CNTNAP2: variants seen among roughly 807,000 people sequenced by gnomAD.
CNTNAP2 encodes contactin-associated protein-like 2.
A neutral mutation model predicts 155.2 loss-of-function variants in CNTNAP2; 98 were observed. The observed-to-expected ratio is 0.63, with a 90% CI of 0.54 to 0.75. The LOEUF (loss-of-function observed/expected upper bound fraction) is 0.75, where lower values mean the gene tolerates loss of function less well. Ranked by LOEUF, CNTNAP2 falls within the 30% of genes least tolerant of loss-of-function variation. The probability of loss-of-function intolerance (pLI) is 0.00; values close to 1 mark genes in which losing one functional copy is unlikely to be tolerated. For synonymous variants in CNTNAP2, 651 were observed against 631.2 expected (o/e 1.03, Z -0.47); for missense variants, 1,727 against 1,688.1 (o/e 1.02, Z -0.40).
At chr7:146,549,002 G>A (rs1257602769) in intron 1 of CNTNAP2, among the ~76,000 whole-genome samples, 1 of 150,700 alleles carries the variant, frequency 6.6e-6, no homozygotes, top group Non-Finnish European at 1.5e-5. Context: ...TCTTAATTTG[G>A]GACTTTAATT....
At chr7:148,318,365 G>T (rs1238883898) in intron 21 of CNTNAP2, among the ~76,000 whole-genome samples, 1 of 152,094 alleles carries the variant, frequency 6.6e-6, no homozygotes, top group Non-Finnish European at 1.5e-5. Flanking sequence ...GCATATGATG[G>T]GTGTTAATGA....
intron 2 of CNTNAP2, among the ~76,000 whole-genome samples, chr7:146,809,688 T>C (rs1305228281): frequency 6.6e-6 from 1 of 152,186 alleles, no homozygotes; most frequent in African/African-American, 2.4e-5. Context: ...GTAAGTCTTC[T>C]TTGAAAATGT....
intron 1 of CNTNAP2, among the ~76,000 whole-genome samples, chr7:146,299,200 G>A (rs1434794359): frequency 6.6e-6 from 1 of 152,208 alleles, no homozygotes; most frequent in African/African-American, 2.4e-5. Context: ...GAACCCAGGA[G>A]GTGGAGGTTG....
chr7:148,368,989 C>T (rs890913494), intron 21 of CNTNAP2, among the ~76,000 whole-genome samples: 40 of 152,006 alleles, frequency 2.6e-4, no homozygotes, highest in Admixed American at 2.1e-3. Flanking sequence ...CCTTTAGTTT[C>T]GCTTCTCTTT....
At chr7:146,147,473 G>A (rs879421989) in intron 1 of CNTNAP2, among the ~76,000 whole-genome samples, 5 of 152,128 alleles carry the variant, frequency 3.3e-5, no homozygotes, top group Non-Finnish European at 7.4e-5. Context: ...AGAATGTGAA[G>A]GACACTCATA....
At position 147,662,369 on chromosome 7, in the gene CNTNAP2, C is replaced by T. The variant is rs1795626178; in HGVS notation, c.2098+23063C>T. ...CTACATCTGCTACCAAATCAAGGAG[C>T]TGATTAACAGTGCATTGCAGCTCTT... On this transcript the variant is annotated intron_variant, in intron 13 of 23. Coordinates refer to ENST00000361727, the MANE Select transcript of CNTNAP2 (RefSeq NM_014141.6). Among the ~76,000 whole-genome samples the T allele has an allele frequency of 2.0e-5, 3 of 152,162 alleles. No homozygotes were observed. In the South Asian group the frequency reaches 6.2e-4, roughly 31 times the overall value.
intron 1 of CNTNAP2, among the ~76,000 whole-genome samples, chr7:146,535,433 T>TATATGATATAATATATG: frequency 2.6e-5 from 3 of 115,566 alleles, no homozygotes; most frequent in Admixed American, 1.0e-4. Flanking sequence ...ATATATATTA[T>TATATGATATAATATATG]ATACATGGTC....
chr7:147,636,956 A>C (rs1563032914), intron 12 of CNTNAP2, among the ~76,000 whole-genome samples: 1 of 152,170 alleles, frequency 6.6e-6, no homozygotes, highest in Admixed American at 6.5e-5. Context: ...GGAAAGACAA[A>C]GGAAGCAGCA....
At chr7:147,357,200 A>G (rs796556105) in intron 9 of CNTNAP2, among the ~76,000 whole-genome samples, 3 of 152,230 alleles carry the variant, frequency 2.0e-5, no homozygotes, top group African/African-American at 7.2e-5. Flanking sequence ...GAGAGCTGAT[A>G]AGTGAACTTG....
intron 20 of CNTNAP2, among the ~76,000 whole-genome samples, chr7:148,236,657 A>G (rs911768223): frequency 1.3e-5 from 2 of 152,230 alleles, no homozygotes; most frequent in African/African-American, 2.4e-5. Context: ...TTGCACTGCT[A>G]TAAAGAAATA....
At chr7:146,568,722 C>A (rs1439929404) in intron 1 of CNTNAP2, among the ~76,000 whole-genome samples, 1 of 152,076 alleles carries the variant, frequency 6.6e-6, no homozygotes, top group Non-Finnish European at 1.5e-5. Flanking sequence ...CAACTTTTAA[C>A]CAGTGTACTA....
chr7:146,277,937 TAAAAAG>T (rs944015426), intron 1 of CNTNAP2, among the ~76,000 whole-genome samples: 2 of 151,842 alleles, frequency 1.3e-5, no homozygotes, highest in Non-Finnish European at 2.9e-5. Context: ...AAAAAGAAAA[TAAAAAG>T]AAAACTGAAA....
At chr7:146,878,192 A>T (rs1179969822) in intron 3 of CNTNAP2, among the ~76,000 whole-genome samples, 1 of 152,004 alleles carries the variant, frequency 6.6e-6, no homozygotes, top group Non-Finnish European at 1.5e-5. Context: ...CACTCTCCAC[A>T]TTTTTTACCA....
At chr7:147,823,692 C>A (rs371757982) in intron 13 of CNTNAP2, among the ~76,000 whole-genome samples, 2 of 150,472 alleles carry the variant, frequency 1.3e-5, no homozygotes, top group East Asian at 3.9e-4. Context: ...CTGCAAAAAT[C>A]AATACCAATT....
At chr7:147,191,626 T>C (rs1398845687) in intron 8 of CNTNAP2, among the ~76,000 whole-genome samples, 1 of 152,146 alleles carries the variant, frequency 6.6e-6, no homozygotes, top group East Asian at 1.9e-4. Context: ...TGGAAGACAT[T>C]TATATATAGG....
chr7:148,248,996 G>T (rs1796321733), intron 20 of CNTNAP2, among the ~76,000 whole-genome samples: 1 of 152,128 alleles, frequency 6.6e-6, no homozygotes, highest in Non-Finnish European at 1.5e-5. Flanking sequence ...AGTGCTTATT[G>T]ACCACTGGTA....
intron 13 of CNTNAP2, among the ~76,000 whole-genome samples, chr7:147,836,837 C>T (rs186741695): frequency 3.0e-4 from 46 of 152,156 alleles, no homozygotes; most frequent in Non-Finnish European, 6.3e-4. Flanking sequence ...CTGTTTCCAA[C>T]ATATAAAATT....
At chr7:147,524,433 C>T (rs1222367927) in intron 11 of CNTNAP2, among the ~76,000 whole-genome samples, 1 of 152,172 alleles carries the variant, frequency 6.6e-6, no homozygotes, top group Non-Finnish European at 1.5e-5. Flanking sequence ...TGCCCTGGCA[C>T]TGTGCTAGGT....
At chr7:148,008,525 A>C (rs1395572180) in intron 15 of CNTNAP2, among the ~76,000 whole-genome samples, 1 of 152,204 alleles carries the variant, frequency 6.6e-6, no homozygotes. Flanking sequence ...TTCTATTGAC[A>C]TACTTCTTTC....
Sources: gnomAD v4.1 joint callset for allele counts (sites outside exome capture counted in the v4.1 genomes callset) on GRCh38, gnomAD v4.1.1 for gene constraint, MANE v1.5 for transcripts, NCBI Gene and HGNC (gene_info 2026-07-23, HGNC 2026-07-21) for gene names.